OSMR: variants seen among roughly 807,000 people sequenced by gnomAD.
OSMR encodes the protein oncostatin M receptor.
In OSMR, 81 loss-of-function variants were observed where a neutral mutation model predicts 99.9. The observed-to-expected ratio is 0.81, with a 90% confidence interval of 0.68 to 0.97. OSMR has a LOEUF of 0.97. Ranked by LOEUF, OSMR falls within the 50% of genes least tolerant of loss-of-function variation. The pLI is 0.00. For missense variants in OSMR, 1,099 were observed against 1,153.4 expected (o/e 0.95, Z 0.68); for synonymous variants, 406 against 410.4 (o/e 0.99, Z 0.13).
At chr5:38,865,113 C>T (rs1741838067) in intron 1 of OSMR, among the ~76,000 whole-genome samples, 1 of 152,214 alleles carries the variant, frequency 6.6e-6, no homozygotes, top group South Asian at 2.1e-4. Context: ...TGTTTGGTTC[C>T]TTTTAATGAT....
chr5:38,851,552 C>G (rs1306718200), intron 1 of OSMR, among the ~76,000 whole-genome samples: 7 of 152,106 alleles, frequency 4.6e-5, no homozygotes, highest in African/African-American at 7.2e-5. Flanking sequence ...GTGGGAGCAG[C>G]CTGGGGTGTG....
chr5:38,880,858 T>C (rs913901827), intron 3 of OSMR, among the ~76,000 whole-genome samples: 7 of 152,174 alleles, frequency 4.6e-5, no homozygotes, highest in African/African-American at 1.7e-4. Flanking sequence ...TGCCAGCATC[T>C]CAGAAAGATG....
intron 1 of OSMR, chr5:38,941,384 C>T (rs990071223): frequency 4.7e-5 from 11 of 231,618 alleles, no homozygotes; most frequent in Non-Finnish European, 9.4e-5. Flanking sequence ...TGCAAGCAAA[C>T]TTATCTTTTC....
intron 8 of OSMR, 60 bp from the exon 9 acceptor site, chr5:38,904,293 C>T: frequency 2.6e-6 from 4 of 1,564,650 alleles, no homozygotes; most frequent in African/African-American, 1.4e-5. Context: ...GATGCACTCA[C>T]CAATGTTTCT....
Position 38,921,754 on chromosome 5 carries a change from G to A in OSMR, c.1725G>A (p.Lys575=). The A allele has an allele frequency of 6.2e-7, 1 of 1,614,114 alleles. No individual in the cohort carries two copies. Among genetic ancestry groups the A allele is most frequent in the Non-Finnish European group, 8.5e-7 (1 of 1,180,002 alleles). ...TQDVLGDFQW[K]NVGPNTTSTV... ...ATGTGCTCGGTGATTTCCAGTGGAA[G>A]AATGTAGGTCCCAATACCACAAGCA... is the stretch of plus-strand genomic sequence containing the variant. The change falls in exon 12 of 18, where the codon AAG becomes AAA. Residue 575 remains lysine, a synonymous_variant. Coordinates refer to ENST00000274276, the MANE Select transcript of OSMR (RefSeq NM_003999.3).
At chr5:38,944,245 T>C (rs1311522671) in exon 2 of OSMR, 6 of 647,774 alleles carry the variant, frequency 9.3e-6, no homozygotes, top group African/African-American at 3.6e-5. Flanking sequence ...TGGATTCTCA[T>C]ACTTGCTTCT....
intron 9 of OSMR, among the ~76,000 whole-genome samples, chr5:38,911,874 A>C (rs957403679): frequency 6.6e-6 from 1 of 152,244 alleles, no homozygotes; most frequent in African/African-American, 2.4e-5. Flanking sequence ...CATTCATGTT[A>C]AAAACTCTCA....
chr5:38,922,492 C>T (rs1481735989), intron 12 of OSMR, among the ~76,000 whole-genome samples: 5 of 152,116 alleles, frequency 3.3e-5, no homozygotes, highest in Non-Finnish European at 1.5e-5. Context: ...AGATAAATAA[C>T]TGGAGGGGGA....
chr5:38,932,590 G>C, intron 17 of OSMR, 55 bp downstream of exon 17: 1 of 1,578,896 alleles, frequency 6.3e-7, no homozygotes, highest in South Asian at 1.1e-5. Flanking sequence ...CTAACCCAGA[G>C]TGGGGGCTGT....
chr5:38,904,649 C>T (rs767448297), intron 9 of OSMR, 146 bp downstream of exon 9: 45 of 925,514 alleles, frequency 4.9e-5, no homozygotes, highest in Non-Finnish European at 6.8e-5. Flanking sequence ...GATTAGGTGC[C>T]TCATGAGAAG....
intron 5 of OSMR, 130 bp from the exon 6 acceptor site, chr5:38,885,219 G>A (rs1400949715): frequency 1.4e-5 from 21 of 1,523,430 alleles, no homozygotes; most frequent in Non-Finnish European, 1.8e-5. Flanking sequence ...TTGATAGGTA[G>A]CCTTCCACCT....
At chr5:38,884,538 G>T (rs1310168950) in intron 5 of OSMR, among the ~76,000 whole-genome samples, 1 of 152,170 alleles carries the variant, frequency 6.6e-6, no homozygotes, top group Non-Finnish European at 1.5e-5. Flanking sequence ...ATCTCGCCAA[G>T]TTTCCTAGCC....
intron 7 of OSMR, among the ~76,000 whole-genome samples, chr5:38,895,358 G>A (rs1011443697): frequency 2.6e-5 from 4 of 151,972 alleles, no homozygotes; most frequent in African/African-American, 7.2e-5. Context: ...TAGCTAGACT[G>A]TAGTTTTGAT....
chr5:38,891,395 G>A (rs966187360), intron 7 of OSMR, among the ~76,000 whole-genome samples: 3 of 152,186 alleles, frequency 2.0e-5, no homozygotes, highest in Non-Finnish European at 4.4e-5. Flanking sequence ...TCACAGAGAG[G>A]AAACAAAATG....
chr5:38,869,194 T>TA, intron 2 of OSMR, 77 bp downstream of exon 2: 1 of 1,057,388 alleles, frequency 9.5e-7, no homozygotes, highest in Non-Finnish European at 1.5e-6. Flanking sequence ...GGGAAAAAGT[T>TA]AAACAGTTCT....
chr5:38,908,871 T>C (rs1386272069), intron 9 of OSMR, among the ~76,000 whole-genome samples: 1 of 152,132 alleles, frequency 6.6e-6, no homozygotes, highest in African/African-American at 2.4e-5. Flanking sequence ...AAAGCCAGAG[T>C]ATCTTCTTAC....
At chr5:38,885,295 G>T (rs1444650127) in intron 5 of OSMR, 54 bp from the exon 6 acceptor site, 5 of 1,610,734 alleles carry the variant, frequency 3.1e-6, no homozygotes, top group South Asian at 1.1e-5. Flanking sequence ...TTTCCATTTG[G>T]CTTATCTTCC....
chr5:38,902,173 A>G (rs1169497508), intron 7 of OSMR, among the ~76,000 whole-genome samples: 1 of 152,250 alleles, frequency 6.6e-6, no homozygotes, highest in South Asian at 2.1e-4. Flanking sequence ...TCCACTCAGT[A>G]TGTATAAGAG....
At chr5:38,901,253 G>T (rs357267) in intron 7 of OSMR, among the ~76,000 whole-genome samples, 7 of 152,280 alleles carry the variant, frequency 4.6e-5, no homozygotes, top group Middle Eastern at 3.4e-3. Flanking sequence ...AGTAAACCAC[G>T]CCAGACCATT....
Sources: allele counts gnomAD v4.1 joint callset (sites outside exome capture counted in the v4.1 genomes callset), GRCh38; gene constraint gnomAD v4.1.1; transcripts MANE v1.5; gene names NCBI Gene and HGNC (gene_info 2026-07-23, HGNC 2026-07-21).